ADARB2: variants seen among roughly 807,000 people sequenced by gnomAD.
The protein encoded by ADARB2 is adenosine deaminase RNA specific B2 (inactive).
ADARB2 carries 25 observed loss-of-function variants against 62.2 expected under a neutral mutation model. The ratio of observed to expected loss-of-function variants is 0.40; its 90% confidence interval spans 0.29 to 0.56. The LOEUF (loss-of-function observed/expected upper bound fraction) is 0.56, where lower values mean the gene tolerates loss of function less well. Among genes scored for constraint, ADARB2 ranks in the 20% least tolerant of loss-of-function variants. The pLI, the probability that ADARB2 is intolerant of heterozygous loss-of-function variation, is 0.43. For synonymous variants in ADARB2, 572 were observed against 500.8 expected (o/e 1.14, Z -1.90); for missense variants, 1,071 against 1,077.4 (o/e 0.99, Z 0.08).
chr10:1,365,349 G>A (rs1832305355), intron 2 of ADARB2, among the ~76,000 whole-genome samples: 1 of 152,016 alleles, frequency 6.6e-6, no homozygotes, highest in Non-Finnish European at 1.5e-5. Flanking sequence ...TCCACGGACC[G>A]GCCGTTCCCT....
At chr10:1,437,501 C>T (rs774114731) in intron 1 of ADARB2, among the ~76,000 whole-genome samples, 1 of 152,148 alleles carries the variant, frequency 6.6e-6, no homozygotes, top group Admixed American at 6.5e-5. Context: ...ATTAGGAGCC[C>T]GAGTCAGGTC....
chr10:1,714,808 C>G (rs1834995769), intron 1 of ADARB2, among the ~76,000 whole-genome samples: 1 of 152,184 alleles, frequency 6.6e-6, no homozygotes, highest in Non-Finnish European at 1.5e-5. Context: ...TTGGAACCAG[C>G]TACTCAAAAG....
At chr10:1,297,734 G>A (rs1309950685) in intron 3 of ADARB2, among the ~76,000 whole-genome samples, 1 of 152,164 alleles carries the variant, frequency 6.6e-6, no homozygotes, top group African/African-American at 2.4e-5. Context: ...CCACCGGGGG[G>A]CACACCTTTT....
At chr10:1,257,648 G>C (rs1175064257) in intron 4 of ADARB2, among the ~76,000 whole-genome samples, 1 of 152,234 alleles carries the variant, frequency 6.6e-6, no homozygotes, top group Non-Finnish European at 1.5e-5. Context: ...GTGAGGGTGT[G>C]TGGGAAAGAG....
chr10:1,479,469 A>G (rs1831441586), intron 1 of ADARB2, among the ~76,000 whole-genome samples: 1 of 152,176 alleles, frequency 6.6e-6, no homozygotes. Flanking sequence ...TTGGTAGAGC[A>G]GCTTGGAGTA....
chr10:1,533,755 C>T (rs1832280285), intron 1 of ADARB2, among the ~76,000 whole-genome samples: 1 of 152,174 alleles, frequency 6.6e-6, no homozygotes, highest in Non-Finnish European at 1.5e-5. Flanking sequence ...TCCATTTCCT[C>T]CTCGGAGTAA....
chr10:1,338,629 G>A lies in ADARB2; in HGVS notation c.1077+24399C>T, dbSNP rs1301371932. Among the ~76,000 whole-genome samples, 4 of 152,170 alleles carry A rather than the reference G, an allele frequency of 2.6e-5. No individual in the cohort carries two copies. In the East Asian group the frequency reaches 7.7e-4, roughly 29 times the overall value. Reference sequence around the variant, plus strand: ...GTTCTCAATTAGGCAATTTCTGTCTGTTTCATAAATGAATCTAAAACATGA... The same window carrying A: ...GTTCTCAATTAGGCAATTTCTGTCTATTTCATAAATGAATCTAAAACATGA... On this transcript the variant is annotated intron_variant, in intron 3 of 9. Transcript: ENST00000381312.
intron 1 of ADARB2, among the ~76,000 whole-genome samples, chr10:1,446,711 T>C (rs1830975748): frequency 6.6e-6 from 1 of 152,198 alleles, no homozygotes; most frequent in African/African-American, 2.4e-5. Flanking sequence ...ATTTTTCATC[T>C]CTCTTACAGT....
intron 6 of ADARB2, among the ~76,000 whole-genome samples, chr10:1,220,649 G>A (rs1830686922): frequency 6.6e-6 from 1 of 152,138 alleles, no homozygotes; most frequent in Non-Finnish European, 1.5e-5. Flanking sequence ...AGGGAATGTG[G>A]TTGTTGCTGT....
At chr10:1,254,403 T>C (rs1831062840) in intron 4 of ADARB2, among the ~76,000 whole-genome samples, 1 of 152,208 alleles carries the variant, frequency 6.6e-6, no homozygotes, top group Non-Finnish European at 1.5e-5. Context: ...ACTGGGAGAA[T>C]TGCTCTCTGC....
intron 1 of ADARB2, among the ~76,000 whole-genome samples, chr10:1,411,395 C>A (rs546629750): frequency 6.6e-6 from 1 of 152,370 alleles, no homozygotes; most frequent in Admixed American, 6.5e-5. Context: ...CACAGCACCA[C>A]GTCCTCTCCA....
chr10:1,691,159 T>C (rs1040912025), intron 1 of ADARB2, among the ~76,000 whole-genome samples: 6 of 152,078 alleles, frequency 3.9e-5, no homozygotes, highest in Admixed American at 2.0e-4. Flanking sequence ...CTTCATCCAA[T>C]AGGACTTGGG....
chr10:1,486,064 A>T (rs995762541), intron 1 of ADARB2, among the ~76,000 whole-genome samples: 6 of 152,192 alleles, frequency 3.9e-5, no homozygotes, highest in African/African-American at 1.4e-4. Flanking sequence ...AAGGGAGAAG[A>T]TGCACAGTTC....
At chr10:1,543,788 C>T (rs1468882834) in intron 1 of ADARB2, among the ~76,000 whole-genome samples, 11 of 152,150 alleles carry the variant, frequency 7.2e-5, no homozygotes, top group Admixed American at 5.9e-4. Flanking sequence ...GAAGGGGCAG[C>T]GCTGGGCCCG....
chr10:1,664,607 C>T (rs1405147373), intron 1 of ADARB2, among the ~76,000 whole-genome samples: 1 of 152,182 alleles, frequency 6.6e-6, no homozygotes, highest in Non-Finnish European at 1.5e-5. Context: ...TGCTGGGCAT[C>T]TCTCATGTTC....
At chr10:1,208,068 T>A (rs58083177) in intron 7 of ADARB2, among the ~76,000 whole-genome samples, 5,840 of 152,286 alleles carry the variant, frequency 0.038, 411 homozygotes, top group African/African-American at 0.13. Flanking sequence ...AACCTTACCT[T>A]GTGGCTTTGC....
chr10:1,644,858 A>T (rs1834019353), intron 1 of ADARB2, among the ~76,000 whole-genome samples: 1 of 152,100 alleles, frequency 6.6e-6, no homozygotes, highest in Non-Finnish European at 1.5e-5. Context: ...ATGACTCGAG[A>T]TTTCACTCTC....
chr10:1,317,560 C>T (rs374670852), intron 3 of ADARB2, among the ~76,000 whole-genome samples: 1 of 152,338 alleles, frequency 6.6e-6, no homozygotes, highest in African/African-American at 2.4e-5. Flanking sequence ...TCTGGGAAGA[C>T]ATCCCTTTCT....
At chr10:1,643,774 G>A (rs2119061533) in intron 1 of ADARB2, among the ~76,000 whole-genome samples, 1 of 152,220 alleles carries the variant, frequency 6.6e-6, no homozygotes, top group Non-Finnish European at 1.5e-5. Context: ...CAGAGGCATT[G>A]GGGCTAATTT....
Sources: gnomAD v4.1 joint callset for allele counts (sites outside exome capture counted in the v4.1 genomes callset) on GRCh38, gnomAD v4.1.1 for gene constraint, MANE v1.5 for transcripts, NCBI Gene and HGNC (gene_info 2026-07-23, HGNC 2026-07-21) for gene names.